Variants in VWDE observed in about 807,000 individuals in gnomAD.
The protein encoded by VWDE is von Willebrand factor D and EGF domain-containing protein.
A neutral mutation model predicts 178.4 loss-of-function variants in VWDE; 207 were observed. The ratio of observed to expected loss-of-function variants is 1.16; its 90% CI spans 1.04 to 1.30. The LOEUF is 1.30. VWDE is among the 50% of genes most tolerant of loss of function. The probability of loss-of-function intolerance (pLI) is 0.00; values close to 1 mark genes in which losing one functional copy is unlikely to be tolerated. For missense variants in VWDE, 2,287 were observed against 1,901.3 expected, an observed-to-expected ratio of 1.20 and a Z score of -3.77; for synonymous variants, 738 against 651.4, an observed-to-expected ratio of 1.13 and a Z score of -2.02.
Position 12,344,387 on chromosome 7 carries a change from A to C in VWDE, c.3969T>G (p.Ser1323=). Residue 1323 remains serine, a synonymous_variant, in exon 20 of 29, where the codon TCT becomes TCG. Transcript: ENST00000275358. ...GATGTTACCTACCAGTTTGGCAGTT[A>C]GAACCAATGTAACCAGGTTTACATT... ...ICKCKPGYIG[S]NCQTALCDPD... 1 of 1,551,116 alleles carries C rather than the reference A, an allele frequency of 6.4e-7. No individual in the cohort carries two copies. Among genetic ancestry groups the C allele is most frequent in the Non-Finnish European group, 8.7e-7 (1 of 1,146,612 alleles).
chr7:12,382,617 A>G (rs928299166), intron 4 of VWDE, among the ~76,000 whole-genome samples: 4 of 151,892 alleles, frequency 2.6e-5, no homozygotes, highest in Non-Finnish European at 4.4e-5. Context: ...GATTTATTTT[A>G]TGTATTTATG....
chr7:12,341,291 T>C (rs1781314554), intron 23 of VWDE, among the ~76,000 whole-genome samples: 1 of 152,144 alleles, frequency 6.6e-6, no homozygotes, highest in Admixed American at 6.6e-5. Context: ...AGTCATTAGA[T>C]TATAATGAAT....
intron 19 of VWDE, among the ~76,000 whole-genome samples, chr7:12,350,996 A>C (rs1056317120): frequency 2.6e-5 from 4 of 152,164 alleles, no homozygotes; most frequent in African/African-American, 9.7e-5. Context: ...AGTATTCAGT[A>C]AGGTGACAAC....
chr7:12,370,572 T>C (rs1046645167), intron 11 of VWDE, 63 bp from the exon 12 acceptor site: 11 of 1,527,058 alleles, frequency 7.2e-6, no homozygotes, highest in Non-Finnish European at 9.7e-6. Flanking sequence ...TCCTAATATG[T>C]GTTGCAAAAA....
intron 21 of VWDE, among the ~76,000 whole-genome samples, chr7:12,343,537 T>G (rs1050804268): frequency 2.0e-5 from 3 of 152,212 alleles, no homozygotes; most frequent in African/African-American, 7.2e-5. Flanking sequence ...TTTCTATTAG[T>G]TCACCCTAAA....
At chr7:12,350,034 C>A (rs567386272) in intron 19 of VWDE, among the ~76,000 whole-genome samples, 5 of 151,930 alleles carry the variant, frequency 3.3e-5, no homozygotes, top group Admixed American at 2.6e-4. Flanking sequence ...CTAGGACAGA[C>A]AATCTAATGA....
chr7:12,378,231 G>T (rs1783645269), intron 6 of VWDE, among the ~76,000 whole-genome samples: 1 of 152,132 alleles, frequency 6.6e-6, no homozygotes, highest in East Asian at 1.9e-4. Context: ...GAAGAAGAAA[G>T]AAATATTTCT....
intron 18 of VWDE, among the ~76,000 whole-genome samples, chr7:12,354,933 A>T (rs746112612): frequency 1.4e-5 from 2 of 145,624 alleles, no homozygotes; most frequent in Non-Finnish European, 3.1e-5. Flanking sequence ...TCCGTCCTTA[A>T]TCAAAGTTTT....
At chr7:12,380,822 G>T in intron 4 of VWDE, 89 bp from the exon 5 acceptor site, 3 of 1,395,712 alleles carry the variant, frequency 2.1e-6, no homozygotes, top group South Asian at 1.5e-5. Flanking sequence ...ATAACTCTGT[G>T]GTTTATCTTA....
In VWDE at chr7:12,379,563, A is replaced by G. The variant is rs892010014; in HGVS notation, c.793T>C (p.Phe265Leu). ...GINLRLGDRI[F>L]CSASVFFLEN... is the part of the protein sequence containing the mutation. ...AAGAAAAAGACAGAAGCGCTGCAGA[A>G]TATCTATGGATATAATTAAAAAATA... is the stretch of plus-strand genomic sequence containing the variant. Residue 265 changes from phenylalanine to leucine, a missense_variant, in exon 6 of 29, where the codon TTC (phenylalanine) becomes CTC (leucine). Coordinates refer to ENST00000275358, the MANE Select transcript of VWDE (RefSeq NM_001135924.3). 38 of 1,532,374 alleles carry G rather than the reference A, an allele frequency of 2.5e-5. No homozygotes were observed. The African/African-American group carries it at 2.9e-4, about 12-fold the overall frequency. The allele number at this position is 1,532,374 out of a possible 1,614,324, so 94.9% of individuals were successfully genotyped here. A position where few individuals can be genotyped will look rare whatever the true frequency, so the allele number is the denominator to read the frequency against.
chr7:12,364,255 C>G (rs535203380), intron 13 of VWDE, among the ~76,000 whole-genome samples: 1 of 152,080 alleles, frequency 6.6e-6, no homozygotes, highest in East Asian at 1.9e-4. Flanking sequence ...CTAACTGTAT[C>G]CATTAAAAGG....
At chr7:12,333,033 C>T (rs1270565441) in intron 28 of VWDE, among the ~76,000 whole-genome samples, 3 of 152,116 alleles carry the variant, frequency 2.0e-5, no homozygotes, top group Non-Finnish European at 4.4e-5. Context: ...GGAATTAGGA[C>T]TGAAATAACA....
At chr7:12,393,304 T>G (rs991463861) in intron 2 of VWDE, among the ~76,000 whole-genome samples, 1 of 152,184 alleles carries the variant, frequency 6.6e-6, no homozygotes, top group Non-Finnish European at 1.5e-5. Flanking sequence ...TGCCTAAGAA[T>G]ATATGTTTTC....
At chr7:12,336,390 G>A (rs1781032717) in intron 26 of VWDE, among the ~76,000 whole-genome samples, 154 bp from the exon 27 acceptor site, 3 of 152,170 alleles carry the variant, frequency 2.0e-5, no homozygotes, top group Admixed American at 1.3e-4. Context: ...GAACATTTTT[G>A]AATGTCACTA....
chr7:12,391,796 T>C (rs1784403286), intron 2 of VWDE, among the ~76,000 whole-genome samples: 1 of 152,166 alleles, frequency 6.6e-6, no homozygotes, highest in South Asian at 2.1e-4. Context: ...GCAGTATTTA[T>C]AAAATGTGAA....
chr7:12,360,137 G>T (rs1782495186), intron 15 of VWDE, among the ~76,000 whole-genome samples: 3 of 152,078 alleles, frequency 2.0e-5, no homozygotes, highest in African/African-American at 7.2e-5. Flanking sequence ...AACTAGACCA[G>T]ATCTTTGGCA....
In VWDE at chr7:12,361,513, G is replaced by A. The variant is rs1211633200; in HGVS notation, c.2907C>T (p.Ser969=). 4 of 1,536,870 alleles carry A rather than the reference G, an allele frequency of 2.6e-6. No homozygotes were observed. The highest frequency in any genetic ancestry group is 3.5e-6 in the Non-Finnish European group (4 of 1,141,852). Residue 969 remains serine, a synonymous_variant, in exon 14 of 29, where the codon AGC becomes AGT. Transcript: ENST00000275358. ...KCEVTKLQYN[S]SEWMPGEPIY... ...TGGGTTCTCCAGGCATCCATTCACT[G>A]CTATTATACTGAAGACATAGTGAGA...
intron 4 of VWDE, among the ~76,000 whole-genome samples, chr7:12,382,183 GT>G (rs1174419142): frequency 6.6e-6 from 1 of 151,272 alleles, no homozygotes; most frequent in Non-Finnish European, 1.5e-5. Flanking sequence ...GCATAGCAGA[GT>G]TTTTTTTAAT....
intron 4 of VWDE, among the ~76,000 whole-genome samples, chr7:12,381,756 A>G (rs1041117187): frequency 6.6e-6 from 1 of 151,914 alleles, no homozygotes; most frequent in African/African-American, 2.4e-5. Context: ...TAAATATTAT[A>G]TATCTGAGTA....
Sources: gnomAD v4.1 joint callset for allele counts (sites outside exome capture counted in the v4.1 genomes callset) on GRCh38, gnomAD v4.1.1 for gene constraint, MANE v1.5 for transcripts, NCBI Gene and HGNC (gene_info 2026-07-23, HGNC 2026-07-21) for gene names.